TNIP3: variants seen among roughly 807,000 people sequenced by gnomAD.
The protein encoded by TNIP3 is TNFAIP3-interacting protein 3.
A neutral mutation model predicts 54.1 loss-of-function variants in TNIP3; 34 were observed. That is an observed-to-expected ratio of 0.63 (90% confidence interval 0.48 to 0.84). The LOEUF (loss-of-function observed/expected upper bound fraction) is 0.84, where lower values mean the gene tolerates loss of function less well. TNIP3 is among the 40% of genes least tolerant of loss of function. The pLI, the probability that TNIP3 is intolerant of heterozygous loss-of-function variation, is 0.00. For missense variants in TNIP3, 366 were observed against 387.6 expected, an observed-to-expected ratio of 0.94 and a Z score of 0.47; for synonymous variants, 134 against 136.8, an observed-to-expected ratio of 0.98 and a Z score of 0.14.
intron 5 of TNIP3, among the ~76,000 whole-genome samples, chr4:121,150,920 CA>C (rs1174389329): frequency 6.6e-6 from 1 of 152,122 alleles, no homozygotes; most frequent in African/African-American, 2.4e-5. Flanking sequence ...TCTTGACATC[CA>C]GTATAAGTTG....
At chr4:121,220,083 C>T (rs1726967760), upstream of TNIP3, among the ~76,000 whole-genome samples, 1 of 152,082 alleles carries the variant, frequency 6.6e-6, no homozygotes, top group Admixed American at 6.6e-5. Context: ...GAAAACCATA[C>T]ATATGTGTAC....
upstream of TNIP3, chr4:121,164,431 C>A (rs1730646730): frequency 1.1e-6 from 1 of 885,732 alleles, no homozygotes; most frequent in Non-Finnish European, 1.4e-6. Context: ...GGCAGATTAG[C>A]CTTGCTATAG....
At chr4:121,180,090 G>A (rs565786437) in intron 3 of TNIP3, among the ~76,000 whole-genome samples, 1 of 152,032 alleles carries the variant, frequency 6.6e-6, no homozygotes, top group African/African-American at 2.4e-5. Context: ...GGTGGTGAGG[G>A]TGTCCAGGAA....
At chr4:121,216,571 A>G in intron 1 of TNIP3, 2 of 1,519,860 alleles carry the variant, frequency 1.3e-6, no homozygotes, top group South Asian at 2.5e-5. Flanking sequence ...GTCAGTCACC[A>G]AAGGAGAAAA....
intron 3 of TNIP3, among the ~76,000 whole-genome samples, chr4:121,179,108 C>T (rs77526113): frequency 6.6e-6 from 1 of 152,072 alleles, no homozygotes; most frequent in African/African-American, 2.4e-5. Flanking sequence ...GCAAGGATTT[C>T]CAGAAAGAGT....
chr4:121,224,061 G>C (rs1046007119), intron 1 of TNIP3, among the ~76,000 whole-genome samples: 3 of 152,142 alleles, frequency 2.0e-5, no homozygotes, highest in African/African-American at 2.4e-5. Flanking sequence ...AATGATCTCA[G>C]CTCTCTGATT....
chr4:121,160,519 G>A (rs922361681), intron 2 of TNIP3, among the ~76,000 whole-genome samples: 2 of 151,626 alleles, frequency 1.3e-5, no homozygotes, highest in African/African-American at 4.8e-5. Context: ...AATATACAGA[G>A]TGCTAAAATT....
At chr4:121,158,276 A>G (rs1436847917) in intron 3 of TNIP3, among the ~76,000 whole-genome samples, 1 of 152,192 alleles carries the variant, frequency 6.6e-6, no homozygotes, top group African/African-American at 2.4e-5. Context: ...TATTTGTGGA[A>G]AATAGGTCAT....
intron 2 of TNIP3, among the ~76,000 whole-genome samples, chr4:121,184,596 A>G (rs1486926009): frequency 1.1e-4 from 16 of 152,070 alleles, no homozygotes; most frequent in Admixed American, 1.0e-3. Flanking sequence ...CTACCTTCCA[A>G]CTTTCAGATT....
chr4:121,163,973 G>T (rs79785996), intron 1 of TNIP3, 87 bp downstream of exon 1: 37,897 of 1,482,932 alleles, frequency 0.026, 588 homozygotes, highest in Admixed American at 0.043. Context: ...AGCCATTTCT[G>T]TTCTTATTAA....
At chr4:121,161,365 T>G in intron 1 of TNIP3, 149 bp from the exon 2 acceptor site, 1 of 639,556 alleles carries the variant, frequency 1.6e-6, no homozygotes, top group South Asian at 2.1e-5. Context: ...CCTCATACCC[T>G]AAGTCCTTCA....
chr4:121,169,262 G>A (rs572257428), upstream of TNIP3, among the ~76,000 whole-genome samples: 6 of 152,180 alleles, frequency 3.9e-5, no homozygotes, highest in South Asian at 4.2e-4. Flanking sequence ...TGGCCACACC[G>A]TTGCCCCTTG....
At chr4:121,174,368 A>G (rs192021183) in intron 3 of TNIP3, among the ~76,000 whole-genome samples, 3 of 152,178 alleles carry the variant, frequency 2.0e-5, no homozygotes, top group African/African-American at 4.8e-5. Flanking sequence ...TTGCACCACC[A>G]TACTCCAGCC....
chr4:121,210,144 T>C (rs1182026125), intron 2 of TNIP3, among the ~76,000 whole-genome samples: 1 of 152,166 alleles, frequency 6.6e-6, no homozygotes, highest in Non-Finnish European at 1.5e-5. Context: ...ACTTTTGCTA[T>C]CACCTTTGCT....
chr4:121,197,862 A>C (rs1343214513), intron 2 of TNIP3, among the ~76,000 whole-genome samples: 1 of 152,184 alleles, frequency 6.6e-6, no homozygotes, highest in East Asian at 1.9e-4. Context: ...TGAGCAATGG[A>C]ATGTCATGGT....
intron 2 of TNIP3, among the ~76,000 whole-genome samples, chr4:121,206,451 C>T (rs552523165): frequency 6.6e-6 from 1 of 152,096 alleles, no homozygotes; most frequent in Non-Finnish European, 1.5e-5. Flanking sequence ...ATTCATTATG[C>T]TCACATGAAT....
intron 2 of TNIP3, among the ~76,000 whole-genome samples, chr4:121,205,653 G>T (rs13116936): frequency 0.27 from 41,612 of 151,834 alleles, 6,014 homozygotes; most frequent in African/African-American, 0.35. Context: ...GAGGGATGTG[G>T]AAAGAAAAGG....
intron 1 of TNIP3, among the ~76,000 whole-genome samples, chr4:121,223,047 C>T (rs1331021934): frequency 2.0e-5 from 3 of 152,124 alleles, no homozygotes; most frequent in Non-Finnish European, 4.4e-5. Context: ...CCTCGTGATC[C>T]GCCCGCCTCG....
intron 2 of TNIP3, among the ~76,000 whole-genome samples, chr4:121,194,473 A>G (rs1223711175): frequency 6.6e-6 from 1 of 152,186 alleles, no homozygotes; most frequent in Non-Finnish European, 1.5e-5. Context: ...CAGACCAATA[A>G]ATCTTTCTTG....
Sources: gnomAD v4.1 joint callset for allele counts (sites outside exome capture counted in the v4.1 genomes callset) on GRCh38, gnomAD v4.1.1 for gene constraint, MANE v1.5 for transcripts, NCBI Gene and HGNC (gene_info 2026-07-23, HGNC 2026-07-21) for gene names.